PISD: variants seen among roughly 807,000 people sequenced by gnomAD.
PISD encodes the protein phosphatidylserine decarboxylase.
In PISD, 31 loss-of-function variants were observed where a neutral mutation model predicts 43.5. The ratio of observed to expected loss-of-function variants is 0.71; its 90% CI spans 0.54 to 0.96. PISD has a LOEUF of 0.96. Ranked by LOEUF, PISD falls within the 40% of genes least tolerant of loss-of-function variation. PISD has a pLI of 0.00. For synonymous variants in PISD, 259 were observed against 228.7 expected, an observed-to-expected ratio of 1.13 and a Z score of -1.20; for missense variants, 523 against 548.4, an observed-to-expected ratio of 0.95 and a Z score of 0.46.
In PISD at chr22:31,620,583, G is replaced by A. The variant is rs568692291; in HGVS notation, c.975C>T (p.Asn325=). The change falls in exon 7 of 8, where the codon AAC becomes AAT. Residue 325 remains asparagine, a synonymous_variant. Transcript: ENST00000439502. The part of the protein sequence containing the change: ...FFSLTAVGAT[N]VGSIRIYFDR... ...CAAAGTAGATGCGAATGGAGCCCAC[G>A]TTGGTGGCCCCCACAGCTGTCAGTG... is the stretch of plus-strand genomic sequence containing the variant. The A allele has an allele frequency of 1.6e-5, 26 of 1,614,242 alleles. No homozygotes were observed. The highest frequency in any genetic ancestry group is 4.4e-5 in the South Asian group (4 of 91,092).
chr22:31,644,122 G>A (rs2073815412), intron 3 of PISD, among the ~76,000 whole-genome samples: 2 of 152,032 alleles, frequency 1.3e-5, no homozygotes, highest in Admixed American at 1.3e-4. Context: ...TCTGCCTTTG[G>A]TTCTTCAAGC....
chr22:31,640,588 T>TG (rs1337493216), intron 3 of PISD, among the ~76,000 whole-genome samples: 3 of 140,366 alleles, frequency 2.1e-5, no homozygotes, highest in Admixed American at 7.1e-5. Context: ...TTTTTTTTTT[T>TG]TTTTTTTTTT....
rs562920776 is a variant in PISD at position 31,644,797 on chromosome 22, T to C, written c.321+3304A>G. On this transcript the variant is annotated intron_variant, in intron 3 of 7. Coordinates refer to ENST00000439502, the MANE Select transcript of PISD (RefSeq NM_001326411.2). ...GACATGACACCAACAAGTGGAAAAT[T>C]CCACATCTGATGTCATGTGACAGGT... 2.0e-5 allele frequency among the ~76,000 whole-genome samples: 3 copies of C among 152,256 alleles called. No homozygotes were observed. In the East Asian group the frequency reaches 5.8e-4, roughly 29 times the overall value.
intron 1 of PISD, among the ~76,000 whole-genome samples, chr22:31,661,912 T>C (rs1336344220): frequency 1.3e-5 from 2 of 152,176 alleles, no homozygotes; most frequent in Admixed American, 1.3e-4. Flanking sequence ...CCTCGTGAAC[T>C]TCCACCTAGC....
In PISD at chr22:31,619,763, C is replaced by T; in HGVS notation, c.1079G>A (p.Arg360Lys). 1 of 1,614,182 alleles carries T rather than the reference C, an allele frequency of 6.2e-7. No individual in the cohort carries two copies. The highest frequency in any genetic ancestry group is 1.1e-5 in the South Asian group (1 of 91,088). ...NDFSFVTHTN[R>K]EGVPMRKGEH... The stretch of plus-strand genomic sequence containing the variant: ...GCCCTTACGCATGGGGACGCCCTCT[C>T]TATTGGTGTGCGTCACGAAGCTGAA... The change falls in exon 8 of 8, where the codon AGA (arginine) becomes AAA (lysine). Residue 360 changes from arginine to lysine, a missense_variant. Arg to Lys is a conservative substitution (Grantham distance 26). Coordinates refer to ENST00000439502, the MANE Select transcript of PISD (RefSeq NM_001326411.2).
At position 31,619,595 on chromosome 22, in the gene PISD, T is replaced by C. The variant is rs748130722; in HGVS notation, c.*17A>G. ...TTTGGAAAAGATCCCTTAGCAGCCA[T>C]AATCAGGAAAGAGACTCTAGAGCGA... On this transcript the variant is annotated 3_prime_UTR_variant, in exon 8 of 8. Transcript: ENST00000439502. The C allele has an allele frequency of 1.9e-6, 3 of 1,597,908 alleles. No individual in the cohort carries two copies. The highest frequency in any genetic ancestry group is 2.6e-6 in the Non-Finnish European group (3 of 1,165,588).
At chr22:31,638,516 G>A (rs1379604282) in intron 3 of PISD, 1 of 985,472 alleles carries the variant, frequency 1.0e-6, no homozygotes, top group East Asian at 1.1e-4. Context: ...GACCGGCAGA[G>A]AGGAAATGAC....
At chr22:31,658,575 G>C (rs1364092182) in intron 1 of PISD, among the ~76,000 whole-genome samples, 1 of 151,940 alleles carries the variant, frequency 6.6e-6, no homozygotes, top group Non-Finnish European at 1.5e-5. Flanking sequence ...TTTGAGACAG[G>C]GTCTCACTCT....
chr22:31,653,172 C>T (rs1379568822), intron 1 of PISD, among the ~76,000 whole-genome samples: 1 of 152,014 alleles, frequency 6.6e-6, no homozygotes, highest in Admixed American at 6.6e-5. Flanking sequence ...CCCCCAAGGC[C>T]AGACAGCTAT....
intron 3 of PISD, among the ~76,000 whole-genome samples, chr22:31,637,160 AAAAAATATATATATATATATATATATAT>A (rs1404134078): frequency 4.4e-3 from 102 of 23,364 alleles, no homozygotes; most frequent in South Asian, 0.018. Context: ...AAAAAAAAAA[AAAAAATATATATATATATATATATATAT>A]ATATATATAT....
chr22:31,641,242 A>C (rs60526650), intron 3 of PISD, among the ~76,000 whole-genome samples: 3,939 of 152,020 alleles, frequency 0.026, 146 homozygotes, highest in African/African-American at 0.089. Context: ...GAACTTTCAC[A>C]TTTTCACTTA....
At chr22:31,653,670 CA>C (rs919167779) in intron 1 of PISD, among the ~76,000 whole-genome samples, 4 of 151,968 alleles carry the variant, frequency 2.6e-5, no homozygotes, top group African/African-American at 9.7e-5. Context: ...TCCCTTTTTT[CA>C]CATAAAACTT....
chr22:31,625,819 C>G, intron 3 of PISD: 1 of 1,599,128 alleles, frequency 6.3e-7, no homozygotes, highest in Middle Eastern at 1.7e-4. Flanking sequence ...ACATCATGGG[C>G]CGGCGCAGGG....
In PISD at chr22:31,621,151, T is replaced by C. The variant is rs2072541723; in HGVS notation, c.698-9A>G. 6.2e-7 allele frequency: 1 copy of C among 1,613,670 alleles called. No homozygotes were observed. Among genetic ancestry groups the C allele is most frequent in the Admixed American group, 1.7e-5 (1 of 59,966 alleles). ...GGAGTCACACGACGCGGCTGTGGAG[T>C]AGGAGCAGACGTGGGGGCCACCAAC... is the stretch of plus-strand genomic sequence containing the variant. On this transcript the variant is annotated splice_polypyrimidine_tract_variant and intron_variant, in intron 5 of 7. Transcript: ENST00000439502.
At chr22:31,632,170 C>G (rs1378204410) in intron 3 of PISD, 1 of 929,824 alleles carries the variant, frequency 1.1e-6, no homozygotes, top group Non-Finnish European at 1.3e-6. Flanking sequence ...CCCCATACAC[C>G]TGTCGTCCTT....
intron 4 of PISD, 57 bp downstream of exon 4, chr22:31,621,571 CGCTGGAGACCAGGGGGGCTGT>C (rs1569481055): frequency 1.3e-6 from 2 of 1,592,170 alleles, no homozygotes; most frequent in Admixed American, 3.4e-5. Flanking sequence ...CTTCCAGATA[CGCTGGAGACCAGGGGGGCTGT>C]GCTGGGGAGG....
intron 3 of PISD, among the ~76,000 whole-genome samples, chr22:31,643,872 C>A (rs901966155): frequency 6.6e-6 from 1 of 152,112 alleles, no homozygotes; most frequent in Non-Finnish European, 1.5e-5. Flanking sequence ...CACGGTGAAA[C>A]CCCGTCTCTA....
chr22:31,635,244 A>G (rs1986942545), intron 3 of PISD, among the ~76,000 whole-genome samples: 1 of 152,196 alleles, frequency 6.6e-6, no homozygotes, highest in African/African-American at 2.4e-5. Context: ...GGCTGCAGGT[A>G]TCTTGAGTCG....
intron 3 of PISD, among the ~76,000 whole-genome samples, chr22:31,624,365 C>A (rs1229984060): frequency 6.6e-6 from 1 of 152,208 alleles, no homozygotes; most frequent in East Asian, 1.9e-4. Context: ...GCTGGGTAAC[C>A]ATTTGCTGAG....
Sources: gnomAD v4.1 joint callset for allele counts (sites outside exome capture counted in the v4.1 genomes callset) on GRCh38, gnomAD v4.1.1 for gene constraint, MANE v1.5 for transcripts, NCBI Gene and HGNC (gene_info 2026-07-23, HGNC 2026-07-21) for gene names.